The following BICD1 variants were observed in gnomAD, a reference collection of about 807,000 sequenced individuals.
The protein encoded by BICD1 is BICD cargo adaptor 1, also known as protein bicaudal D homolog 1.
BICD1 carries 35 observed loss-of-function variants against 92.5 expected under a neutral mutation model. The observed-to-expected ratio is 0.38, with a 90% CI of 0.29 to 0.50. The LOEUF is 0.50. Among genes scored for constraint, BICD1 ranks in the 20% least tolerant of loss-of-function variants. The probability of loss-of-function intolerance (pLI) is 0.93; values close to 1 mark genes in which losing one functional copy is unlikely to be tolerated. For missense variants in BICD1, 950 were observed against 1,189.8 expected, an observed-to-expected ratio of 0.80 and a Z score of 2.97; for synonymous variants, 429 against 465.1, an observed-to-expected ratio of 0.92 and a Z score of 1.00.
chr12:32,342,305 A>C (rs1258869132), intron 8 of BICD1, among the ~76,000 whole-genome samples: 4 of 141,152 alleles, frequency 2.8e-5, no homozygotes, highest in Non-Finnish European at 6.1e-5. Context: ...CCCAGGCTGG[A>C]GTGGAGCGGC....
chr12:32,173,486 T>A (rs548690788), intron 1 of BICD1, among the ~76,000 whole-genome samples: 81 of 152,328 alleles, frequency 5.3e-4, no homozygotes, highest in Admixed American at 4.7e-3. Context: ...AGCGTGATGT[T>A]CACTTATTTC....
chr12:32,109,767 A>G (rs7963210), intron 1 of BICD1, among the ~76,000 whole-genome samples: 2 of 152,020 alleles, frequency 1.3e-5, no homozygotes, highest in East Asian at 3.8e-4. Flanking sequence ...CTTTAAACAT[A>G]GAATATACTT....
At chr12:32,371,071 C>G (rs201260279) in intron 9 of BICD1, among the ~76,000 whole-genome samples, 1 of 151,918 alleles carries the variant, frequency 6.6e-6, no homozygotes, top group South Asian at 2.1e-4. Context: ...TTTGACTAAA[C>G]AATTATGTAG....
chr12:32,128,263 G>A (rs189002422), intron 1 of BICD1, among the ~76,000 whole-genome samples: 1 of 152,182 alleles, frequency 6.6e-6, no homozygotes, highest in African/African-American at 2.4e-5. Context: ...TTTTCATAAA[G>A]TATTCAAAAA....
At chr12:32,222,122 T>C (rs1299536216) in intron 2 of BICD1, among the ~76,000 whole-genome samples, 2 of 152,198 alleles carry the variant, frequency 1.3e-5, no homozygotes, top group Non-Finnish European at 2.9e-5. Context: ...ATATAAGATA[T>C]GTTAGAATTA....
At chr12:32,213,635 A>T (rs949300992) in intron 1 of BICD1, among the ~76,000 whole-genome samples, 1 of 152,222 alleles carries the variant, frequency 6.6e-6, no homozygotes, top group Non-Finnish European at 1.5e-5. Context: ...ACCTCAGATG[A>T]TCTGTCTCCC....
intron 2 of BICD1, among the ~76,000 whole-genome samples, chr12:32,278,837 C>T (rs1947342863): frequency 6.6e-6 from 1 of 151,742 alleles, no homozygotes; most frequent in Non-Finnish European, 1.5e-5. Flanking sequence ...GCCTGGGCGA[C>T]AGAGCGAGAC....
chr12:32,323,089 A>G (rs1242316986), intron 4 of BICD1, among the ~76,000 whole-genome samples: 3 of 152,270 alleles, frequency 2.0e-5, no homozygotes, highest in Non-Finnish European at 4.4e-5. Flanking sequence ...TTCAAATGAC[A>G]TGGCTATTCA....
chr12:32,243,957 C>G (rs1177766396), intron 2 of BICD1, among the ~76,000 whole-genome samples: 2 of 152,102 alleles, frequency 1.3e-5, no homozygotes, highest in East Asian at 1.9e-4. Flanking sequence ...CAGTGTGGTA[C>G]CCCTCCTGTA....
intron 4 of BICD1, among the ~76,000 whole-genome samples, chr12:32,317,404 T>C (rs1948533350): frequency 1.3e-5 from 2 of 152,230 alleles, no homozygotes; most frequent in Non-Finnish European, 2.9e-5. Flanking sequence ...CCATTCTAAC[T>C]GGTGTGAGAT....
intron 1 of BICD1, among the ~76,000 whole-genome samples, chr12:32,142,132 G>A (rs1942942754): frequency 1.3e-5 from 2 of 152,038 alleles, no homozygotes; most frequent in South Asian, 2.1e-4. Flanking sequence ...ACAGCCTGGC[G>A]TGATGGCTCA....
At chr12:32,166,523 A>G (rs2121513168) in intron 1 of BICD1, among the ~76,000 whole-genome samples, 1 of 152,230 alleles carries the variant, frequency 6.6e-6, no homozygotes, top group East Asian at 1.9e-4. Flanking sequence ...ACCATCCTAC[A>G]CTGCACAGGA....
intron 1 of BICD1, among the ~76,000 whole-genome samples, chr12:32,190,505 G>T (rs1341487048): frequency 1.3e-5 from 2 of 152,152 alleles, no homozygotes; most frequent in African/African-American, 4.8e-5. Flanking sequence ...AGACAAAGAA[G>T]ATCACTATAT....
chr12:32,360,194 A>G (rs1939272568), intron 8 of BICD1, among the ~76,000 whole-genome samples: 1 of 151,976 alleles, frequency 6.6e-6, no homozygotes, highest in African/African-American at 2.4e-5. Flanking sequence ...AAAAAAGAAT[A>G]TATGAGTTGC....
intron 1 of BICD1, among the ~76,000 whole-genome samples, chr12:32,200,898 AC>A (rs1402146639): frequency 6.6e-6 from 1 of 152,228 alleles, no homozygotes; most frequent in Non-Finnish European, 1.5e-5. Context: ...CAAATACAGA[AC>A]AAAGGAAATA....
At chr12:32,139,644 C>G (rs571710385) in intron 1 of BICD1, among the ~76,000 whole-genome samples, 1 of 152,318 alleles carries the variant, frequency 6.6e-6, no homozygotes, top group Admixed American at 6.5e-5. Flanking sequence ...CTCACTGCAA[C>G]CTCCTCTTCC....
At chr12:32,237,569 G>C (rs1452115955) in intron 2 of BICD1, among the ~76,000 whole-genome samples, 1 of 152,154 alleles carries the variant, frequency 6.6e-6, no homozygotes, top group African/African-American at 2.4e-5. Flanking sequence ...AATACAGCTT[G>C]TGACTTTGAG....
chr12:32,328,592 A>C lies in BICD1; in HGVS notation c.2100+37A>C. 1 of 1,572,184 alleles carries C rather than the reference A, an allele frequency of 6.4e-7. No individual in the cohort carries two copies. Among genetic ancestry groups the C allele is most frequent in the East Asian group, 2.3e-5 (1 of 44,416 alleles). On this transcript the variant is annotated intron_variant, in intron 5 of 9. Transcript: ENST00000652176. This position sits in a 1 kb window ranked among gnomAD's most constrained non-coding sequence, Gnocchi z 4.4. ...CTACTGGTGAAAGCATGCCAGTCAAAGCTTTCTTAACTAATTTATTCCCTA... is the reference window on the plus strand; with the variant it reads ...CTACTGGTGAAAGCATGCCAGTCAACGCTTTCTTAACTAATTTATTCCCTA...
At chr12:32,183,910 C>T (rs958143633) in intron 1 of BICD1, among the ~76,000 whole-genome samples, 1 of 152,114 alleles carries the variant, frequency 6.6e-6, no homozygotes, top group Non-Finnish European at 1.5e-5. Flanking sequence ...AGCAAGAATG[C>T]TGTATAAACT....
Sources: gnomAD v4.1 joint callset for allele counts (sites outside exome capture counted in the v4.1 genomes callset) on GRCh38, gnomAD v4.1.1 for gene constraint, Gnocchi (gnomAD v3.1) non-coding constraint, MANE v1.5 for transcripts, NCBI Gene and HGNC (gene_info 2026-07-23, HGNC 2026-07-21) for gene names.